The following ARHGAP15 variants were observed in gnomAD, a reference collection of about 807,000 sequenced individuals.
ARHGAP15 encodes the protein Rho GTPase activating protein 15.
In ARHGAP15, 51 loss-of-function variants were observed where a neutral mutation model predicts 63.7. That is an observed-to-expected ratio of 0.80 (90% CI 0.64 to 1.01). ARHGAP15 has a LOEUF of 1.01. ARHGAP15 is among the 50% of genes least tolerant of loss of function. The pLI is 0.00. For synonymous variants in ARHGAP15, 191 were observed against 193.8 expected (o/e 0.99, Z 0.12); for missense variants, 560 against 564.6 (o/e 0.99, Z 0.08).
intron 6 of ARHGAP15, among the ~76,000 whole-genome samples, chr2:143,267,936 A>G (rs1681078085): frequency 6.6e-6 from 1 of 152,166 alleles, no homozygotes; most frequent in South Asian, 2.1e-4. Context: ...GATCACAGAT[A>G]GAATGATGGC....
At chr2:143,366,747 T>C (rs1686309762) in intron 6 of ARHGAP15, among the ~76,000 whole-genome samples, 1 of 152,086 alleles carries the variant, frequency 6.6e-6, no homozygotes, top group African/African-American at 2.4e-5. Flanking sequence ...CACAAAAATC[T>C]ATTGGCTCTT....
intron 13 of ARHGAP15, among the ~76,000 whole-genome samples, chr2:143,764,083 C>T (rs763255818): frequency 4.6e-5 from 7 of 151,766 alleles, no homozygotes; most frequent in East Asian, 1.9e-4. Flanking sequence ...TTATTTAAAA[C>T]GTGCATAAGT....
intron 9 of ARHGAP15, 60 bp from the exon 10 acceptor site, chr2:143,519,206 C>A: frequency 7.6e-7 from 1 of 1,308,476 alleles, no homozygotes; most frequent in South Asian, 1.2e-5. Flanking sequence ...GAAACGGAAT[C>A]AAATTAAAGA....
intron 10 of ARHGAP15, among the ~76,000 whole-genome samples, chr2:143,531,901 G>A (rs1053433069): frequency 6.6e-6 from 1 of 152,166 alleles, no homozygotes; most frequent in African/African-American, 2.4e-5. Flanking sequence ...TTCAGAATGT[G>A]GATGGATTAG....
At chr2:143,697,791 T>G (rs572544779) in intron 12 of ARHGAP15, among the ~76,000 whole-genome samples, 1 of 152,190 alleles carries the variant, frequency 6.6e-6, no homozygotes, top group African/African-American at 2.4e-5. Context: ...TATCCAGTTG[T>G]AAGGCATGCT....
chr2:143,296,984 A>G (rs17814575), intron 6 of ARHGAP15, among the ~76,000 whole-genome samples: 18,448 of 151,880 alleles, frequency 0.12, 1,547 homozygotes, highest in Non-Finnish European at 0.17. Context: ...CTTAGGTTAT[A>G]TGCTTATTTG....
At chr2:143,726,695 G>A (rs1574897284) in intron 13 of ARHGAP15, among the ~76,000 whole-genome samples, 1 of 152,350 alleles carries the variant, frequency 6.6e-6, no homozygotes, top group African/African-American at 2.4e-5. Context: ...GACGGCACAT[G>A]TTCAAGTGAC....
intron 8 of ARHGAP15, among the ~76,000 whole-genome samples, chr2:143,438,273 A>G (rs1054736651): frequency 2.6e-5 from 4 of 152,156 alleles, no homozygotes; most frequent in Non-Finnish European, 5.9e-5. Flanking sequence ...ATATACATAC[A>G]CATACACACG....
chr2:143,679,654 CGTGTGTGTGT>C (rs60643761), intron 12 of ARHGAP15, among the ~76,000 whole-genome samples: 43,036 of 149,702 alleles, frequency 0.29, 6,437 homozygotes, highest in Non-Finnish European at 0.33. Context: ...TGCGTGTGTG[CGTGTGTGTGT>C]GTGTGTGTGT....
chr2:143,137,843 T>C (rs1689208000), intron 1 of ARHGAP15, among the ~76,000 whole-genome samples: 1 of 152,064 alleles, frequency 6.6e-6, no homozygotes, highest in South Asian at 2.1e-4. Context: ...GTTAATTTCA[T>C]GTTAGAATTT....
intron 6 of ARHGAP15, among the ~76,000 whole-genome samples, chr2:143,285,953 G>T (rs1200290807): frequency 6.6e-6 from 1 of 152,068 alleles, no homozygotes; most frequent in Non-Finnish European, 1.5e-5. Flanking sequence ...TTTAAATGTT[G>T]ACTTTAGCAA....
intron 8 of ARHGAP15, among the ~76,000 whole-genome samples, chr2:143,442,549 G>A (rs185667354): frequency 3.0e-4 from 45 of 152,242 alleles, no homozygotes; most frequent in Non-Finnish European, 3.8e-4. Context: ...TAAAGCCTCC[G>A]AGCCGGAAGA....
intron 6 of ARHGAP15, among the ~76,000 whole-genome samples, chr2:143,384,314 A>G (rs1687177595): frequency 6.6e-6 from 1 of 152,156 alleles, no homozygotes; most frequent in African/African-American, 2.4e-5. Flanking sequence ...TTGGTCCACA[A>G]GAACTTTAAA....
chr2:143,503,931 C>T (rs1289841501), intron 9 of ARHGAP15, among the ~76,000 whole-genome samples: 4 of 152,150 alleles, frequency 2.6e-5, no homozygotes, highest in African/African-American at 9.7e-5. Flanking sequence ...ACAAAAACAA[C>T]GGTGTAATAT....
At chr2:143,162,666 T>A (rs1298792171) in intron 2 of ARHGAP15, among the ~76,000 whole-genome samples, 1 of 152,104 alleles carries the variant, frequency 6.6e-6, no homozygotes, top group Non-Finnish European at 1.5e-5. Flanking sequence ...TGCCAGCAAC[T>A]ATGCTTTTCC....
chr2:143,330,707 A>G (rs1684511609), intron 6 of ARHGAP15, among the ~76,000 whole-genome samples: 1 of 152,176 alleles, frequency 6.6e-6, no homozygotes. Flanking sequence ...TTTCTCCATC[A>G]GTGATATATT....
intron 2 of ARHGAP15, among the ~76,000 whole-genome samples, chr2:143,195,318 T>C (rs1196503980): frequency 1.3e-5 from 2 of 152,308 alleles, no homozygotes; most frequent in East Asian, 3.9e-4. Context: ...ACAATTTACT[T>C]ATCATACACT....
At chr2:143,472,101 T>C (rs958345092) in intron 8 of ARHGAP15, 1 of 152,182 alleles carries the variant, frequency 6.6e-6, no homozygotes, top group African/African-American at 2.4e-5. Context: ...TATACAATTG[T>C]GTGTCCTAAG....
intron 8 of ARHGAP15, among the ~76,000 whole-genome samples, chr2:143,484,381 A>T (rs1047166644): frequency 3.3e-5 from 5 of 151,194 alleles, no homozygotes; most frequent in Admixed American, 1.3e-4. Flanking sequence ...AAAAAAAAAA[A>T]ATTAGCCAGG....
Sources: allele counts gnomAD v4.1 joint callset (sites outside exome capture counted in the v4.1 genomes callset), GRCh38; gene constraint gnomAD v4.1.1; transcripts MANE v1.5; gene names NCBI Gene and HGNC (gene_info 2026-07-23, HGNC 2026-07-21).